The following FAM151B variants were observed in gnomAD, a reference collection of about 807,000 sequenced individuals.
FAM151B encodes the protein protein FAM151B.
A neutral mutation model predicts 31.2 loss-of-function variants in FAM151B; 24 were observed. That is an observed-to-expected ratio of 0.77 (90% CI 0.56 to 1.08). FAM151B has a LOEUF of 1.08. Among genes scored for constraint, FAM151B ranks in the 50% least tolerant of loss-of-function variants. The probability of loss-of-function intolerance (pLI) is 0.00; values close to 1 mark genes in which losing one functional copy is unlikely to be tolerated. For synonymous variants in FAM151B, 105 were observed against 111.4 expected (o/e 0.94, Z 0.36); for missense variants, 293 against 328.6 (o/e 0.89, Z 0.84).
At chr5:80,497,472 A>T (rs2112600557) in intron 1 of FAM151B, among the ~76,000 whole-genome samples, 1 of 152,102 alleles carries the variant, frequency 6.6e-6, no homozygotes, top group East Asian at 1.9e-4. Context: ...ATCTTAAAAA[A>T]GTTACAACTA....
chr5:80,505,964 G>A, intron 2 of FAM151B: 1 of 330,622 alleles, frequency 3.0e-6, no homozygotes, highest in Non-Finnish European at 4.6e-6. Context: ...CACCGTGTTG[G>A]CCAGACTGGT....
In FAM151B at chr5:80,500,603, G is replaced by A; in HGVS notation, c.26-1189G>A. 1.5e-5 allele frequency: 11 copies of A among 758,166 alleles called. No homozygotes were observed. In the South Asian group the frequency reaches 1.5e-4, roughly 10 times the overall value. The allele number at this position is 758,166 out of a possible 1,614,324, so 47.0% of individuals were successfully genotyped here. A position where few individuals can be genotyped will look rare whatever the true frequency, so the allele number is the denominator to read the frequency against. On this transcript the variant is annotated intron_variant, in intron 1 of 5. Transcript: ENST00000282226. Reference sequence around the variant, plus strand: ...ACCTGCAGAACCCAAAATGGCATTTGTCCTCAGGATCAGAGGTGTCAGTGG... The same window carrying A: ...ACCTGCAGAACCCAAAATGGCATTTATCCTCAGGATCAGAGGTGTCAGTGG...
In FAM151B at chr5:80,505,481, G is replaced by A. The variant is rs184013139; in HGVS notation, c.151+3564G>A. Among the ~76,000 whole-genome samples, 1,188 of 149,456 alleles carry A rather than the reference G, an allele frequency of 7.9e-3. 13 individuals are homozygous for A. Among genetic ancestry groups the A allele is most frequent in the African/African-American group, 0.028 (1,130 of 40,332 alleles). The stretch of plus-strand genomic sequence containing the variant: ...ACGATCTCGGCTCACTGCAAGCTCC[G>A]CCTCCTGGGTTCACACCATTCTCCT... On this transcript the variant is annotated intron_variant, in intron 2 of 5. Transcript: ENST00000282226.
intron 5 of FAM151B, among the ~76,000 whole-genome samples, chr5:80,530,501 C>T (rs111592739): frequency 0.096 from 14,588 of 152,160 alleles, 976 homozygotes; most frequent in African/African-American, 0.18. Flanking sequence ...TGTCTCAGCC[C>T]AAAATCTCCT....
chr5:80,493,757 C>T (rs1463130090), intron 1 of FAM151B, among the ~76,000 whole-genome samples: 1 of 152,166 alleles, frequency 6.6e-6, no homozygotes, highest in Non-Finnish European at 1.5e-5. Flanking sequence ...TGCTCTCAAA[C>T]CCTGTTTCCT....
chr5:80,522,909 T>C (rs931570746), intron 5 of FAM151B, among the ~76,000 whole-genome samples: 4 of 152,100 alleles, frequency 2.6e-5, no homozygotes, highest in Non-Finnish European at 5.9e-5. Context: ...AAGAGATCAA[T>C]CAGTAGAACA....
intron 5 of FAM151B, among the ~76,000 whole-genome samples, chr5:80,523,475 C>T (rs1418103078): frequency 5.9e-5 from 9 of 151,992 alleles, no homozygotes; most frequent in Non-Finnish European, 8.8e-5. Context: ...CTAATGAGAC[C>T]GTGTCTTACT....
intron 2 of FAM151B, chr5:80,506,014 G>A (rs548821362): frequency 2.0e-4 from 191 of 939,830 alleles, no homozygotes; most frequent in African/African-American, 3.0e-4. Flanking sequence ...CCTTGGCCTC[G>A]CGAAGTGCTG....
intron 1 of FAM151B, among the ~76,000 whole-genome samples, chr5:80,489,329 C>G (rs1419932433): frequency 6.6e-6 from 1 of 152,102 alleles, no homozygotes; most frequent in Non-Finnish European, 1.5e-5. Flanking sequence ...AGGATGTGAA[C>G]TTTTTTCTCT....
intron 1 of FAM151B, among the ~76,000 whole-genome samples, chr5:80,498,222 C>T (rs1743619517): frequency 6.6e-6 from 1 of 152,198 alleles, no homozygotes; most frequent in Non-Finnish European, 1.5e-5. Context: ...GTGTTGCCAT[C>T]TCAGTATGAA....
intron 1 of FAM151B, chr5:80,500,939 C>A: frequency 1.4e-6 from 1 of 734,202 alleles, no homozygotes; most frequent in Non-Finnish European, 2.5e-6. Flanking sequence ...TTCAAAGAAG[C>A]AAATAACTTG....
At chr5:80,523,579 T>C (rs1744815018) in intron 5 of FAM151B, among the ~76,000 whole-genome samples, 1 of 152,068 alleles carries the variant, frequency 6.6e-6, no homozygotes, top group Admixed American at 6.5e-5. Context: ...TCTAAATATC[T>C]ATCAGTCAGA....
chr5:80,529,615 C>T (rs1019841709), intron 5 of FAM151B, among the ~76,000 whole-genome samples: 4 of 152,088 alleles, frequency 2.6e-5, no homozygotes, highest in African/African-American at 4.8e-5. Flanking sequence ...AACACCTCTA[C>T]GCAAATAAAC....
intron 2 of FAM151B, chr5:80,510,805 G>C (rs948490292): frequency 6.6e-6 from 1 of 152,204 alleles, no homozygotes; most frequent in Admixed American, 6.5e-5. Context: ...TTATGGATCT[G>C]TATTGGCATT....
intron 5 of FAM151B, among the ~76,000 whole-genome samples, chr5:80,538,384 C>CTT (rs1491298421): frequency 2.3e-5 from 1 of 43,294 alleles, no homozygotes; most frequent in African/African-American, 1.2e-4. Flanking sequence ...TTCTTTCTTT[C>CTT]TTTCTTTCTT....
chr5:80,513,555 T>A, intron 2 of FAM151B, 49 bp from the exon 3 acceptor site: 2 of 1,563,946 alleles, frequency 1.3e-6, no homozygotes, highest in Non-Finnish European at 1.7e-6. Context: ...CTCCTGTAGT[T>A]CTGTGCCCTG....
At chr5:80,530,282 C>T (rs1745173774) in intron 5 of FAM151B, among the ~76,000 whole-genome samples, 1 of 152,168 alleles carries the variant, frequency 6.6e-6, no homozygotes, top group South Asian at 2.1e-4. Flanking sequence ...CAATATCATA[C>T]TGAATGGGCA....
intron 2 of FAM151B, among the ~76,000 whole-genome samples, chr5:80,510,199 A>T (rs550885975): frequency 6.6e-6 from 1 of 152,156 alleles, no homozygotes; most frequent in Admixed American, 6.5e-5. Flanking sequence ...TGCATGTAGT[A>T]CGGGCTTAGG....
intron 5 of FAM151B, among the ~76,000 whole-genome samples, chr5:80,538,309 C>T (rs967986643): frequency 5.3e-5 from 8 of 151,970 alleles, no homozygotes; most frequent in African/African-American, 1.9e-4. Flanking sequence ...CCTCATGATC[C>T]ACCTGCTTCG....
Sources: allele counts gnomAD v4.1 joint callset (sites outside exome capture counted in the v4.1 genomes callset), GRCh38; gene constraint gnomAD v4.1.1; transcripts MANE v1.5; gene names NCBI Gene and HGNC (gene_info 2026-07-23, HGNC 2026-07-21).